SCRIB: variants seen among roughly 807,000 people sequenced by gnomAD.
SCRIB encodes protein scribble homolog.
Under a neutral mutation model 170.0 loss-of-function variants are expected in SCRIB, and 72 were observed. That is an observed-to-expected ratio of 0.42 (90% CI 0.35 to 0.52). The LOEUF (loss-of-function observed/expected upper bound fraction) is 0.52. Ranked by LOEUF, SCRIB falls within the 20% of genes least tolerant of loss-of-function variation. The pLI, the probability that SCRIB is intolerant of heterozygous loss-of-function variation, is 0.02. For missense variants in SCRIB, 2,475 were observed against 2,338.5 expected, an observed-to-expected ratio of 1.06 and a Z score of -1.20; for synonymous variants, 1,298 against 1,044.3, an observed-to-expected ratio of 1.24 and a Z score of -4.68.
At position 143,812,312 on chromosome 8, in the gene SCRIB, T is replaced by C. The variant is rs1815771488; in HGVS notation, c.860A>G (p.Asp287Gly). Reference sequence around the variant, plus strand: ...GATCAGCTCAGAGAGGTTCTCACAGTCCCCGATGGCCTCGGTCACCTCGCA... The same window carrying C: ...GATCAGCTCAGAGAGGTTCTCACAGCCCCCGATGGCCTCGGTCACCTCGCA... The part of the protein sequence containing the change: ...RLCEVTEAIG[D>G]CENLSELILT... Residue 287 changes from aspartate (D) to glycine (G), a missense_variant, in exon 9 of 37, where the codon GAC (aspartate) becomes GGC (glycine). Transcript: ENST00000356994. 1 of 1,613,502 alleles carries C rather than the reference T, an allele frequency of 6.2e-7. No individual in the cohort carries two copies. Among genetic ancestry groups the C allele is most frequent in the Non-Finnish European group, 8.5e-7 (1 of 1,179,546 alleles).
At chr8:143,812,114 T>C (rs1815758962) in intron 9 of SCRIB, 152 bp downstream of exon 9, 1 of 712,920 alleles carries the variant, frequency 1.4e-6, no homozygotes. Flanking sequence ...CCGGCCAGCA[T>C]GCTCCCCCTC....
At chr8:143,811,601 C>A (rs1815725236) in intron 9 of SCRIB, among the ~76,000 whole-genome samples, 1 of 152,144 alleles carries the variant, frequency 6.6e-6, no homozygotes, top group African/African-American at 2.4e-5. Flanking sequence ...TCATCCCTGA[C>A]CCTCTCCCAT....
In SCRIB at chr8:143,804,842, G is replaced by C. The variant is rs202041120; in HGVS notation, c.2752-17C>G. 2.0e-6 allele frequency: 3 copies of C among 1,529,062 alleles called. No homozygotes were observed. The highest frequency in any genetic ancestry group is 2.6e-6 in the Non-Finnish European group (3 of 1,143,068). The allele number at this position is 1,529,062 out of a possible 1,614,324, so 94.7% of individuals were successfully genotyped here. A position where few individuals can be genotyped will look rare whatever the true frequency, so the allele number is the denominator to read the frequency against. ...TCCATTAATCTGTGAGAGCGTGCCC[G>C]AATCAGGGAGGCCCAAGGGCAGAAG... is the stretch of plus-strand genomic sequence containing the variant. On this transcript the variant is annotated splice_polypyrimidine_tract_variant and intron_variant, in intron 20 of 36. Coordinates refer to ENST00000356994, the MANE Select transcript of SCRIB (RefSeq NM_182706.5).
At chr8:143,810,405 C>T in intron 13 of SCRIB, 74 bp downstream of exon 13, 1 of 1,567,000 alleles carries the variant, frequency 6.4e-7, no homozygotes, top group South Asian at 1.1e-5. Context: ...CTCACAGCCC[C>T]ACTCCCAGGA....
Position 143,804,639 on chromosome 8 carries a change from C to T in SCRIB, c.2938G>A (p.Gly980Arg), listed in dbSNP as rs11542374. 0.06 allele frequency: 91,673 copies of T among 1,537,270 alleles called. 3,354 individuals carry two copies. The highest frequency in any genetic ancestry group is 0.16 in the African/African-American group (11,818 of 73,132). ...ATTSITTATP[G>R]VPGLPSLAPS... ...GCCAGGCTCGGCAACCCAGGCACCCCGGGGGTGGCAGTGGTTATGCTGGTG... is the reference window on the plus strand; with the variant it reads ...GCCAGGCTCGGCAACCCAGGCACCCTGGGGGTGGCAGTGGTTATGCTGGTG... Residue 980 changes from glycine (G) to arginine (R), a missense_variant, in exon 21 of 37, where the codon GGG (glycine) becomes AGG (arginine). Gly to Arg is a moderately radical substitution (Grantham distance 125, BLOSUM62 -2). Transcript: ENST00000356994.
Position 143,813,900 on chromosome 8 carries a change from TCA to T in SCRIB, c.278-6_278-5del. The T allele has an allele frequency of 6.2e-7, 1 of 1,606,514 alleles. No individual in the cohort carries two copies. Among genetic ancestry groups the T allele is most frequent in the Non-Finnish European group, 8.5e-7 (1 of 1,175,046 alleles). On this transcript the variant is annotated splice_region_variant and splice_polypyrimidine_tract_variant and intron_variant, in intron 2 of 36. Coordinates refer to ENST00000356994, the MANE Select transcript of SCRIB (RefSeq NM_182706.5). ...CTCTCCGGGATCTCAGGGATATCTG[TCA>T]CAGAGGGTCACAGTGGACAGATGCC...
rs771795611 is a variant in SCRIB at position 143,811,217 on chromosome 8, G to A, written c.1035C>T (p.Asn345=). ...GCTCTGGTGGCAGGACGGCCAGGCG[G>A]TTGTCCCTCAAGGAGAGGACGCTGA... ...VALSVLSLRD[N]RLAVLPPELA... is the part of the protein sequence containing the mutation. Residue 345 remains asparagine (N), a synonymous_variant, in exon 10 of 37, where the codon AAC becomes AAT. Transcript: ENST00000356994. 8 of 1,611,486 alleles carry A rather than the reference G, an allele frequency of 5.0e-6. No individual in the cohort carries two copies. In the East Asian group the frequency reaches 1.8e-4, roughly 36 times the overall value.
chr8:143,807,159 C>T (rs1458515508), intron 16 of SCRIB, 146 bp from the exon 17 acceptor site: 14 of 658,710 alleles, frequency 2.1e-5, no homozygotes, highest in Non-Finnish European at 3.8e-5. Flanking sequence ...CCAGCCAGGG[C>T]CAGCCCAGAC....
Position 143,809,641 on chromosome 8 carries a change from G to A in SCRIB, c.1608C>T (p.Pro536=), listed in dbSNP as rs546935238. The A allele has an allele frequency of 1.5e-5, 24 of 1,611,048 alleles. No homozygotes were observed. Among genetic ancestry groups the A allele is most frequent in the Middle Eastern group, 1.7e-4 (1 of 6,038 alleles). ...CCTGTGCCTCAGCCGACGGGCCCTC[G>A]GGCTCAGCCTCAGAGACTGTGCTGG... The part of the protein sequence containing the change: ...PSASTVSEAE[P]EGPSAEAQGG... Residue 536 remains proline, a synonymous_variant, in exon 14 of 37, where the codon CCC becomes CCT. Transcript: ENST00000356994.
Position 143,795,419 on chromosome 8 carries a change from C to T in SCRIB, c.3714+1G>A. On this transcript the variant is annotated splice_donor_variant, in intron 25 of 36. Transcript: ENST00000356994. LOFTEE classifies it high-confidence loss of function. Reference sequence around the variant, plus strand: ...GGCTGCCGGCTGCAGGCACCTCTGACCTTGCCTGGGCCCTCAGGGCTCAGC... The same window carrying T: ...GGCTGCCGGCTGCAGGCACCTCTGATCTTGCCTGGGCCCTCAGGGCTCAGC... 6.2e-7 allele frequency: 1 copy of T among 1,612,930 alleles called. No homozygotes were observed. The highest frequency in any genetic ancestry group is 8.5e-7 in the Non-Finnish European group (1 of 1,179,712).
chr8:143,812,382 G>C lies in SCRIB; in HGVS notation c.790C>G (p.Gln264Glu). The stretch of plus-strand genomic sequence containing the variant: ...TTTAGGATGGATAGCTGCTTCAGCT[G>C]ACCTGGCGTCGGGGAGACAGGGGGA... ...LLRRLPDGIG[Q>E]LKQLSILKVD... The change falls in exon 9 of 37, where the codon CAG (glutamine) becomes GAG (glutamate). Residue 264 changes from glutamine (Q) to glutamate (E), a missense_variant and splice_region_variant. Around this residue, in one of 3 missense-constraint regions of SCRIB, gnomAD observed 487 missense variants for 558.1 expected, o/e 0.87. Transcript: ENST00000356994. The C allele has an allele frequency of 6.2e-7, 1 of 1,608,476 alleles. No homozygotes were observed. Among genetic ancestry groups the C allele is most frequent in the Non-Finnish European group, 8.5e-7 (1 of 1,175,060 alleles).
In SCRIB at chr8:143,804,810, C is replaced by T. The variant is rs782192746; in HGVS notation, c.2767G>A (p.Val923Met). 7 of 1,592,572 alleles carry T rather than the reference C, an allele frequency of 4.4e-6. No individual in the cohort carries two copies. The highest frequency in any genetic ancestry group is 3.5e-5 in the Admixed American group (2 of 57,524). Residue 923 changes from valine (V) to methionine (M), a missense_variant, in exon 21 of 37, where the codon GTG (valine) becomes ATG (methionine). Physicochemically the swap from Val to Met is conservative, Grantham distance 21. Around this residue, in one of 3 missense-constraint regions of SCRIB, gnomAD observed 1,966 missense variants for 1,742.9 expected, o/e 1.13. Coordinates refer to ENST00000356994, the MANE Select transcript of SCRIB (RefSeq NM_182706.5). ...GCGTGGTCATGCCTGGCCTCAGTCA[C>T]GTCCACTCCATTAATCTGTGAGAGC... ...DRVLSINGVD[V>M]TEARHDHAVS... is the part of the protein sequence containing the mutation.
chr8:143,793,838 AGCGGCCATCTGCCCT>A, intron 28 of SCRIB, 47 bp downstream of exon 28: 1 of 1,538,592 alleles, frequency 6.5e-7, no homozygotes. Context: ...CCCTGTGCAC[AGCGGCCATCTGCCCT>A]GCCCTCCACC....
Position 143,798,040 on chromosome 8 carries a change from C to T in SCRIB, c.3604-2510G>A, listed in dbSNP as rs190172589. On this transcript the variant is annotated intron_variant, in intron 24 of 36. Coordinates refer to ENST00000356994, the MANE Select transcript of SCRIB (RefSeq NM_182706.5). ...AGTCTGGGAGCAGAGAGATGGAGGCCGGTCTTCTGAAATGATTCTATATAA... is the reference window on the plus strand; with the variant it reads ...AGTCTGGGAGCAGAGAGATGGAGGCTGGTCTTCTGAAATGATTCTATATAA... Among the ~76,000 whole-genome samples, 109 of 152,234 alleles carry T rather than the reference C, an allele frequency of 7.2e-4. 1 individual carries two copies. In the South Asian group the frequency reaches 0.019, roughly 26 times the overall value.
Position 143,813,641 on chromosome 8 carries a change from C to T in SCRIB, c.442G>A (p.Gly148Ser). ...VSLQALPGDV[G>S]NLANLVTLEL... ...TCCACCTGAGAAGGCACTCACTTGC[C>T]CACGTCCCCGGGCAGTGCCTGCAGA... is the stretch of plus-strand genomic sequence containing the variant. Residue 148 changes from glycine to serine, a missense_variant, in exon 4 of 37, where the codon GGC becomes AGC. Gly to Ser is a moderately conservative substitution (Grantham distance 56, BLOSUM62 0). This residue lies in a region of SCRIB where 487 missense variants were observed against 558.1 expected (regional missense o/e 0.87). Coordinates refer to ENST00000356994, the MANE Select transcript of SCRIB (RefSeq NM_182706.5). 2 of 1,613,330 alleles carry T rather than the reference C, an allele frequency of 1.2e-6. No individual in the cohort carries two copies. Among genetic ancestry groups the T allele is most frequent in the Non-Finnish European group, 1.7e-6 (2 of 1,179,992 alleles).
chr8:143,805,418 C>T lies in SCRIB; in HGVS notation c.2364G>A (p.Leu788=). ...CGGCCTCGTGGTGCTCGGCGCCCTG[C>T]AGAGCCACACCATTCACCTGCGGGC... ...DKLLEVNGVA[L]QGAEHHEAVE... The change falls in exon 19 of 37, where the codon CTG becomes CTA. Residue 788 remains leucine (L), a synonymous_variant. Transcript: ENST00000356994. 6.6e-7 allele frequency: 1 copy of T among 1,508,914 alleles called. No individual in the cohort carries two copies. Among genetic ancestry groups the T allele is most frequent in the Non-Finnish European group, 8.8e-7 (1 of 1,131,608 alleles). 93.5% of individuals were successfully genotyped at this position (1,508,914 alleles called of 1,614,324 possible).
In SCRIB at chr8:143,791,053, C is replaced by A. The variant is rs911764893; in HGVS notation, c.*110G>T. 86 of 1,213,800 alleles carry A rather than the reference C, an allele frequency of 7.1e-5. No homozygotes were observed. Among genetic ancestry groups the A allele is most frequent in the Non-Finnish European group, 8.8e-5 (83 of 946,186 alleles). 75.2% of individuals were successfully genotyped at this position (1,213,800 alleles called of 1,614,324 possible). ...AGTTAGTTAGTCACAGGCCAGAACT[C>A]CTGTGGGGTCTCTTTAAAATGCTAA... is the stretch of plus-strand genomic sequence containing the variant. On this transcript the variant is annotated 3_prime_UTR_variant, in exon 37 of 37. Coordinates refer to ENST00000356994, the MANE Select transcript of SCRIB (RefSeq NM_182706.5).
rs782414337 is a variant in SCRIB, at chr8:143,803,453, C to T, written c.3533G>A (p.Arg1178His). ...LTHGEAVQLL[R>H]SVGDTLTVLV... ...CACGGTGAGGGTGTCGCCCACACTG[C>T]GGAGCAGCTGCACCGCCTCGCCGTG... The change falls in exon 24 of 37, where the codon CGC becomes CAC. Residue 1178 changes from arginine to histidine, a missense_variant. Arg to His is a conservative substitution (Grantham distance 29). Coordinates refer to ENST00000356994, the MANE Select transcript of SCRIB (RefSeq NM_182706.5). 9.4e-6 allele frequency: 15 copies of T among 1,597,484 alleles called. No individual in the cohort carries two copies. The highest frequency in any genetic ancestry group is 2.2e-5 in the South Asian group (2 of 90,326).
At chr8:143,798,811 G>A (rs1815051786) in intron 24 of SCRIB, among the ~76,000 whole-genome samples, 1 of 152,046 alleles carries the variant, frequency 6.6e-6, no homozygotes, top group Admixed American at 6.6e-5. Context: ...AGCACGCCTG[G>A]CCCATGGTTA....
Sources: allele counts gnomAD v4.1 joint callset (sites outside exome capture counted in the v4.1 genomes callset), GRCh38; gene constraint gnomAD v4.1.1; regional missense constraint gnomAD v4.1.1; transcripts MANE v1.5; gene names NCBI Gene and HGNC (gene_info 2026-07-23, HGNC 2026-07-21).